SCAMP2: variants seen among roughly 807,000 people sequenced by gnomAD.
SCAMP2 encodes the protein secretory carrier-associated membrane protein 2.
Under a neutral mutation model 44.1 loss-of-function variants are expected in SCAMP2, and 25 were observed. The observed-to-expected ratio is 0.57, with a 90% CI of 0.41 to 0.79. SCAMP2 has a LOEUF of 0.79. SCAMP2 is among the 30% of genes least tolerant of loss of function. SCAMP2 has a pLI of 0.00. For missense variants in SCAMP2, 355 were observed against 411.0 expected, an observed-to-expected ratio of 0.86 and a Z score of 1.18; for synonymous variants, 156 against 166.0, an observed-to-expected ratio of 0.94 and a Z score of 0.46.
At chr15:74,861,160 GC>G (rs2064500729) in intron 1 of SCAMP2, among the ~76,000 whole-genome samples, 1 of 152,164 alleles carries the variant, frequency 6.6e-6, no homozygotes, top group Admixed American at 6.5e-5. Context: ...GGGCAACAGA[GC>G]GAGACTCAAC....
At chr15:74,858,901 C>T (rs569935736) in intron 1 of SCAMP2, among the ~76,000 whole-genome samples, 3 of 150,686 alleles carry the variant, frequency 2.0e-5, no homozygotes, top group East Asian at 2.0e-4. Context: ...CAAGCTCTCC[C>T]GGGTTCACAC....
At chr15:74,865,685 G>T (rs1374850886) in intron 1 of SCAMP2, among the ~76,000 whole-genome samples, 1 of 147,996 alleles carries the variant, frequency 6.8e-6, no homozygotes, top group Non-Finnish European at 1.5e-5. Flanking sequence ...GGTATAAAGT[G>T]AGAACAGGGT....
rs1352529054 is a variant in SCAMP2, at chr15:74,848,581, T to C, written c.734+19A>G. ...CCCATATCCAAAGCCTAATTCCCTC[T>C]GTGATGCCCAGGTCTCACCTGTCCC... On this transcript the variant is annotated intron_variant, in intron 7 of 8. Transcript: ENST00000268099. 3.2e-5 allele frequency: 48 copies of C among 1,504,770 alleles called. No homozygotes were observed. Among genetic ancestry groups the C allele is most frequent in the Non-Finnish European group, 4.4e-5 (48 of 1,080,910 alleles). The allele number at this position is 1,504,770 out of a possible 1,614,324, so 93.2% of individuals were successfully genotyped here. A position where few individuals can be genotyped will look rare whatever the true frequency, so the allele number is the denominator to read the frequency against.
chr15:74,864,208 T>C (rs2064527202), intron 1 of SCAMP2, among the ~76,000 whole-genome samples: 2 of 152,150 alleles, frequency 1.3e-5, no homozygotes, highest in Admixed American at 6.6e-5. Context: ...ATTACAGGTG[T>C]GTGCCACCAT....
intron 2 of SCAMP2, 21 bp downstream of exon 2, chr15:74,854,560 A>G: frequency 6.3e-7 from 1 of 1,582,384 alleles, no homozygotes; most frequent in Non-Finnish European, 8.6e-7. Flanking sequence ...TGGGACTTGG[A>G]AAGAGGGCCT....
At chr15:74,863,234 A>G (rs1279960554) in intron 1 of SCAMP2, among the ~76,000 whole-genome samples, 1 of 151,914 alleles carries the variant, frequency 6.6e-6, no homozygotes, top group African/African-American at 2.4e-5. Context: ...AACCCCAGCT[A>G]CTTGGGAAGC....
At chr15:74,848,907 A>G (rs1567249110) in intron 6 of SCAMP2, among the ~76,000 whole-genome samples, 2 of 151,990 alleles carry the variant, frequency 1.3e-5, no homozygotes, top group Admixed American at 6.6e-5. Flanking sequence ...CTGCCTTCCA[A>G]TTTAAGGGGT....
chr15:74,858,042 G>A (rs780105417), intron 1 of SCAMP2, among the ~76,000 whole-genome samples: 6 of 152,192 alleles, frequency 3.9e-5, no homozygotes, highest in African/African-American at 1.2e-4. Flanking sequence ...AACCTAAAAC[G>A]CTGAGACAAG....
At chr15:74,849,838 G>C (rs2064423470) in intron 6 of SCAMP2, among the ~76,000 whole-genome samples, 1 of 96,242 alleles carries the variant, frequency 1.0e-5, no homozygotes, top group Admixed American at 1.0e-4. Flanking sequence ...AAAAATATTT[G>C]GGAAACAGGG....
In SCAMP2 at chr15:74,871,433, G is replaced by A. The variant is rs545169445; in HGVS notation, c.57+1766C>T. On this transcript the variant is annotated intron_variant, in intron 1 of 8. Transcript: ENST00000268099. Reference sequence around the variant, plus strand: ...ACCTCCACTGTGCTACAGCCTGGGCGACAGAGTGAGACCCTGCCTTAAAAA... The same window carrying A: ...ACCTCCACTGTGCTACAGCCTGGGCAACAGAGTGAGACCCTGCCTTAAAAA... 1.3e-4 allele frequency among the ~76,000 whole-genome samples: 20 copies of A among 151,764 alleles called. No homozygotes were observed. In the South Asian group the frequency reaches 1.5e-3, roughly 11 times the overall value.
At chr15:74,865,252 G>A (rs2141180953) in intron 1 of SCAMP2, among the ~76,000 whole-genome samples, 1 of 151,464 alleles carries the variant, frequency 6.6e-6, no homozygotes. Context: ...GTGGTGGCAT[G>A]CGCCTGTAGT....
At chr15:74,858,685 C>A (rs1003969935) in intron 1 of SCAMP2, among the ~76,000 whole-genome samples, 2 of 151,822 alleles carry the variant, frequency 1.3e-5, no homozygotes, top group Admixed American at 6.6e-5. Context: ...TGGTACGGAG[C>A]CTGACAAATT....
In SCAMP2 at chr15:74,845,586, T is replaced by G; in HGVS notation, c.742A>C (p.Ile248Leu). ...TTATCCAGTGTAGACAGGGCTGCAA[T>G]CCAACCGCTATAAAGGGAAGAAGAG... ...GIPGLGDSGW[I>L]AALSTLDNHS... The change falls in exon 8 of 9, where the codon ATT becomes CTT. Residue 248 changes from isoleucine to leucine, a missense_variant. Physicochemically the swap from Ile to Leu is conservative, Grantham distance 5. Coordinates refer to ENST00000268099, the MANE Select transcript of SCAMP2 (RefSeq NM_005697.5). The G allele has an allele frequency of 1.9e-6, 3 of 1,613,950 alleles. No individual in the cohort carries two copies. The highest frequency in any genetic ancestry group is 1.7e-6 in the Non-Finnish European group (2 of 1,179,948).
intron 1 of SCAMP2, among the ~76,000 whole-genome samples, chr15:74,860,685 T>TAAAAAAAAA (rs34842935): frequency 1.1e-5 from 1 of 89,532 alleles, no homozygotes; most frequent in Non-Finnish European, 2.1e-5. Context: ...AGACTCCATT[T>TAAAAAAAAA]AAAAAAAAAA....
intron 1 of SCAMP2, chr15:74,872,815 C>G (rs1324139610): frequency 5.5e-6 from 1 of 182,358 alleles, no homozygotes; most frequent in Non-Finnish European, 1.1e-5. Context: ...CTGTCACCCC[C>G]TCTTCTAAAG....
At chr15:74,866,361 G>A (rs1221240295) in intron 1 of SCAMP2, among the ~76,000 whole-genome samples, 1 of 151,826 alleles carries the variant, frequency 6.6e-6, no homozygotes, top group Non-Finnish European at 1.5e-5. Flanking sequence ...CAGGAGTACA[G>A]GGATGACAGC....
rs1220406647 is a variant in SCAMP2, at chr15:74,852,128, T to C, written c.284A>G (p.Lys95Arg). ...CTCCTTGCGTTCCAGCTCGGCAGCT[T>C]TCCTGTCCAGTTCTTCCTGCTGCCG... The part of the protein sequence containing the change: ...LLRQQEELDR[K>R]AAELERKERE... The change falls in exon 4 of 9, where the codon AAA becomes AGA. Residue 95 changes from lysine to arginine, a missense_variant. By Grantham distance (26) the Lys-to-Arg change is conservative. Transcript: ENST00000268099. 1.3e-6 allele frequency: 2 copies of C among 1,591,274 alleles called. No homozygotes were observed. The highest frequency in any genetic ancestry group is 1.7e-6 in the Non-Finnish European group (2 of 1,168,958).
In SCAMP2 at chr15:74,848,662, T is replaced by A; in HGVS notation, c.672A>T (p.Val224=). ...TGTAGATCCCTATTTGACAAAAAAA[T>A]ACAAAGAAGAACACAAAGAAGCTGA... ...NSFSFFVFFF[V]FFCQIGIYII... is the part of the protein sequence containing the mutation. Residue 224 remains valine, a synonymous_variant, in exon 7 of 9, where the codon GTA becomes GTT. Coordinates refer to ENST00000268099, the MANE Select transcript of SCAMP2 (RefSeq NM_005697.5). 1 of 1,613,630 alleles carries A rather than the reference T, an allele frequency of 6.2e-7. No homozygotes were observed. The highest frequency in any genetic ancestry group is 1.1e-5 in the South Asian group (1 of 91,048).
intron 1 of SCAMP2, among the ~76,000 whole-genome samples, chr15:74,872,375 TGCAC>T (rs2064582750): frequency 1.3e-5 from 2 of 148,904 alleles, no homozygotes; most frequent in Non-Finnish European, 3.0e-5. Context: ...ATCGTGCCAA[TGCAC>T]TCCAGCCTGG....
Sources: gnomAD v4.1 joint callset for allele counts (sites outside exome capture counted in the v4.1 genomes callset) on GRCh38, gnomAD v4.1.1 for gene constraint, MANE v1.5 for transcripts, NCBI Gene and HGNC (gene_info 2026-07-23, HGNC 2026-07-21) for gene names.